HPCAL1: variants seen among roughly 807,000 people sequenced by gnomAD.
HPCAL1 encodes hippocalcin like 1.
A neutral mutation model predicts 17.1 loss-of-function variants in HPCAL1; 8 were observed. The ratio of observed to expected loss-of-function variants is 0.47; its 90% CI spans 0.27 to 0.84. The LOEUF (loss-of-function observed/expected upper bound fraction) is 0.84, where lower values mean the gene tolerates loss of function less well. Among genes scored for constraint, HPCAL1 ranks in the 40% least tolerant of loss-of-function variants. HPCAL1 has a pLI of 0.13. For missense variants in HPCAL1, 165 were observed against 271.1 expected (o/e 0.61, Z 2.75); for synonymous variants, 112 against 111.4 (o/e 1.01, Z -0.03).
rs191720080 is a variant in HPCAL1 at position 10,360,865 on chromosome 2, T to C, written c.-110-35970T>C. On this transcript the variant is annotated intron_variant, in intron 1 of 4. Coordinates refer to ENST00000307845, the MANE Select transcript of HPCAL1 (RefSeq NM_002149.4). ...TCTCTCCTCTTCCTCCTATCTGGCC[T>C]GCTTGCTCCATCCTCCCCTGCTTTC... Among the ~76,000 whole-genome samples, 5 of 151,948 alleles carry C rather than the reference T, an allele frequency of 3.3e-5. No homozygotes were observed. In the East Asian group the frequency reaches 9.7e-4, roughly 30 times the overall value.
chr2:10,321,788 T>G (rs1412524291), intron 1 of HPCAL1, among the ~76,000 whole-genome samples: 1 of 152,230 alleles, frequency 6.6e-6, no homozygotes, highest in African/African-American at 2.4e-5. Context: ...ATGCTGCGTG[T>G]GTATCTGTAC....
rs1452992549 is a variant in HPCAL1, at chr2:10,330,786, C to T, written c.-111+27609C>T. ...TTTTGTGGGGGACACACTCAGTCCA[C>T]GTTAACTCACTTCCTGCCCACGGCA... On this transcript the variant is annotated intron_variant, in intron 1 of 4. Coordinates refer to ENST00000307845, the MANE Select transcript of HPCAL1 (RefSeq NM_002149.4). The surrounding 1 kb of genome is among the most constrained non-coding windows in gnomAD (Gnocchi z 4.2). Among the ~76,000 whole-genome samples the T allele has an allele frequency of 1.3e-5, 2 of 152,210 alleles. No homozygotes were observed. Among genetic ancestry groups the T allele is most frequent in the African/African-American group, 4.8e-5 (2 of 41,452 alleles).
At chr2:10,358,913 C>T (rs915494012) in intron 1 of HPCAL1, among the ~76,000 whole-genome samples, 9 of 152,266 alleles carry the variant, frequency 5.9e-5, no homozygotes, top group South Asian at 2.1e-4. Flanking sequence ...AAGCTGCCTA[C>T]GGATGGCAAA....
chr2:10,313,404 C>T (rs1663106334), intron 1 of HPCAL1, among the ~76,000 whole-genome samples: 1 of 152,200 alleles, frequency 6.6e-6, no homozygotes, highest in Non-Finnish European at 1.5e-5. Context: ...AACCACCCCC[C>T]AATTCCTTAA....
At chr2:10,399,268 CCACCACCACCAT>C (rs1558517677) in intron 2 of HPCAL1, among the ~76,000 whole-genome samples, 6 of 78,970 alleles carry the variant, frequency 7.6e-5, no homozygotes, top group East Asian at 3.0e-4. Context: ...ACCATCACCA[CCACCACCACCAT>C]CACCACCACC....
At chr2:10,409,004 A>G (rs922590170) in intron 2 of HPCAL1, among the ~76,000 whole-genome samples, 4 of 152,254 alleles carry the variant, frequency 2.6e-5, no homozygotes, top group African/African-American at 9.6e-5. Flanking sequence ...TTTGATTTAA[A>G]CCGTTAGATC....
intron 1 of HPCAL1, among the ~76,000 whole-genome samples, chr2:10,315,093 C>T (rs1336288335): frequency 5.3e-5 from 8 of 152,036 alleles, no homozygotes; most frequent in African/African-American, 7.2e-5. Context: ...AGATCGAGAC[C>T]ATCCTGGCCA....
intron 1 of HPCAL1, among the ~76,000 whole-genome samples, chr2:10,382,769 C>T (rs765903315): frequency 2.0e-5 from 3 of 152,168 alleles, no homozygotes; most frequent in Non-Finnish European, 2.9e-5. Context: ...CAGTGAAGAC[C>T]TCCTGTGCCC....
intron 2 of HPCAL1, among the ~76,000 whole-genome samples, chr2:10,413,506 G>T (rs115628087): frequency 3.3e-3 from 502 of 152,358 alleles, no homozygotes; most frequent in Non-Finnish European, 6.0e-3. Flanking sequence ...AGGGTAGGAA[G>T]CCCTTCCAGA....
chr2:10,355,492 G>A (rs7582335), intron 1 of HPCAL1, among the ~76,000 whole-genome samples: 2 of 145,264 alleles, frequency 1.4e-5, no homozygotes, highest in Non-Finnish European at 1.5e-5. Context: ...AGAGTTTAAC[G>A]GGACAGCCAC....
At chr2:10,369,769 A>G (rs927222418) in intron 1 of HPCAL1, among the ~76,000 whole-genome samples, 2 of 152,214 alleles carry the variant, frequency 1.3e-5, no homozygotes, top group African/African-American at 4.8e-5. Context: ...ATAATAATGA[A>G]TATGCCGTGT....
chr2:10,414,880 C>T (rs774662076), intron 2 of HPCAL1, among the ~76,000 whole-genome samples: 8 of 152,234 alleles, frequency 5.3e-5, no homozygotes, highest in Non-Finnish European at 1.0e-4. Context: ...TGCGCTGCTG[C>T]TGTTACAGCG....
chr2:10,314,140 A>G (rs1313909348), intron 1 of HPCAL1, among the ~76,000 whole-genome samples: 2 of 151,624 alleles, frequency 1.3e-5, no homozygotes, highest in African/African-American at 4.8e-5. Flanking sequence ...TCTCAGGGAA[A>G]AAAAAAAAAA....
chr2:10,326,779 G>A (rs535191161), intron 1 of HPCAL1, among the ~76,000 whole-genome samples: 11 of 152,318 alleles, frequency 7.2e-5, no homozygotes, highest in African/African-American at 2.6e-4. Flanking sequence ...GAATCTGAGA[G>A]TGCCCCCTTC....
intron 1 of HPCAL1, among the ~76,000 whole-genome samples, chr2:10,308,828 C>T (rs557293507): frequency 4.6e-5 from 7 of 152,294 alleles, no homozygotes; most frequent in South Asian, 2.1e-4. Context: ...CTGCTACATA[C>T]ATACCTTAAC....
chr2:10,375,148 C>T (rs577260288), intron 1 of HPCAL1, among the ~76,000 whole-genome samples: 1 of 152,290 alleles, frequency 6.6e-6, no homozygotes, highest in Admixed American at 6.5e-5. Context: ...ACAGTCCTGT[C>T]GGGAGAGGTA....
At chr2:10,368,232 T>TGC (rs1666978669) in intron 1 of HPCAL1, among the ~76,000 whole-genome samples, 1 of 144,694 alleles carries the variant, frequency 6.9e-6, no homozygotes, top group African/African-American at 2.7e-5. Flanking sequence ...TGTACACATA[T>TGC]GCATGTGTGT....
intron 2 of HPCAL1, among the ~76,000 whole-genome samples, chr2:10,399,914 T>C (rs1282393706): frequency 6.6e-6 from 1 of 152,182 alleles, no homozygotes; most frequent in African/African-American, 2.4e-5. Context: ...TCTGGGCTTC[T>C]GATGGAGAAC....
In HPCAL1 at chr2:10,395,339, G is replaced by A. The variant is rs1035415767; in HGVS notation, c.-110-1496G>A. 3.9e-5 allele frequency among the ~76,000 whole-genome samples: 6 copies of A among 152,088 alleles called. No homozygotes were observed. The highest frequency in any genetic ancestry group is 2.1e-4 in the South Asian group (1 of 4,832). On this transcript the variant is annotated intron_variant, in intron 1 of 4. Transcript: ENST00000307845. This position sits in a 1 kb window ranked among gnomAD's most constrained non-coding sequence, Gnocchi z 4.4. Reference sequence around the variant, plus strand: ...AGATACACCCTATTTCCAATCACACGTGATGCATCTCGGGGGCATTCATTT... The same window carrying A: ...AGATACACCCTATTTCCAATCACACATGATGCATCTCGGGGGCATTCATTT...
Sources: gnomAD v4.1 joint callset for allele counts (sites outside exome capture counted in the v4.1 genomes callset) on GRCh38, gnomAD v4.1.1 for gene constraint, Gnocchi (gnomAD v3.1) non-coding constraint, MANE v1.5 for transcripts, NCBI Gene and HGNC (gene_info 2026-07-23, HGNC 2026-07-21) for gene names.